TBC1D5: variants seen among roughly 807,000 people sequenced by gnomAD.
TBC1D5 encodes the protein TBC1 domain family, member 5.
TBC1D5 carries 75 observed loss-of-function variants against 100.3 expected under a neutral mutation model. That is an observed-to-expected ratio of 0.75 (90% CI 0.62 to 0.91). TBC1D5 has a LOEUF of 0.91. Among genes scored for constraint, TBC1D5 ranks in the 40% least tolerant of loss-of-function variants. TBC1D5 has a pLI of 0.00. For missense variants in TBC1D5, 910 were observed against 942.4 expected, an observed-to-expected ratio of 0.97 and a Z score of 0.45; for synonymous variants, 323 against 325.6, an observed-to-expected ratio of 0.99 and a Z score of 0.09.
At chr3:17,281,889 GTTT>G (rs1027058855) in intron 15 of TBC1D5, among the ~76,000 whole-genome samples, 1 of 152,000 alleles carries the variant, frequency 6.6e-6, no homozygotes, top group African/African-American at 2.4e-5. Context: ...AAAAGTGATG[GTTT>G]TTTTGTTCTG....
At chr3:17,290,029 T>C (rs1208824820) in intron 15 of TBC1D5, among the ~76,000 whole-genome samples, 2 of 152,216 alleles carry the variant, frequency 1.3e-5, no homozygotes, top group East Asian at 1.9e-4. Context: ...ATAGATATCA[T>C]CATTCCATGA....
At chr3:17,375,133 T>G (rs558472172) in intron 10 of TBC1D5, among the ~76,000 whole-genome samples, 1 of 152,206 alleles carries the variant, frequency 6.6e-6, no homozygotes, top group Non-Finnish European at 1.5e-5. Flanking sequence ...TTATTTTACT[T>G]TTTAACAGAT....
At chr3:17,565,061 T>C (rs551898770) in intron 2 of TBC1D5, among the ~76,000 whole-genome samples, 25 of 152,200 alleles carry the variant, frequency 1.6e-4, no homozygotes, top group Non-Finnish European at 3.5e-4. Flanking sequence ...ATGTAGTTGT[T>C]ATTGTCCCAG....
chr3:17,470,895 C>T (rs1046545452), intron 3 of TBC1D5, among the ~76,000 whole-genome samples: 3 of 151,824 alleles, frequency 2.0e-5, no homozygotes, highest in Non-Finnish European at 4.4e-5. Context: ...TACTCCAGCC[C>T]GGACGACAGA....
chr3:17,328,639 T>C (rs1207673300), intron 13 of TBC1D5, among the ~76,000 whole-genome samples: 1 of 152,218 alleles, frequency 6.6e-6, no homozygotes, highest in Non-Finnish European at 1.5e-5. Context: ...TAGCTTCTAT[T>C]ATTTTTAATG....
chr3:17,695,741 A>G (rs770985925), intron 1 of TBC1D5, among the ~76,000 whole-genome samples: 5 of 152,222 alleles, frequency 3.3e-5, no homozygotes, highest in Non-Finnish European at 7.3e-5. Flanking sequence ...CTCTGCACCA[A>G]GCTGACCTAA....
At chr3:17,330,714 C>T (rs1157710354) in intron 13 of TBC1D5, among the ~76,000 whole-genome samples, 1 of 152,062 alleles carries the variant, frequency 6.6e-6, no homozygotes, top group Admixed American at 6.6e-5. Context: ...AGATATATTC[C>T]CTGTGATTTT....
intron 15 of TBC1D5, among the ~76,000 whole-genome samples, chr3:17,274,304 A>T (rs912719173): frequency 2.0e-5 from 3 of 152,132 alleles, no homozygotes; most frequent in African/African-American, 7.2e-5. Context: ...ATATGCTGAA[A>T]TTTTTTAGTT....
chr3:17,260,946 T>C (rs757683338), intron 15 of TBC1D5, among the ~76,000 whole-genome samples: 53 of 152,366 alleles, frequency 3.5e-4, no homozygotes, highest in Non-Finnish European at 6.9e-4. Flanking sequence ...GTGTATTTTA[T>C]ACTTATGGCA....
At chr3:17,562,366 C>G (rs2096564634) in intron 2 of TBC1D5, among the ~76,000 whole-genome samples, 1 of 151,622 alleles carries the variant, frequency 6.6e-6, no homozygotes, top group African/African-American at 2.4e-5. Flanking sequence ...TTTTACCCAA[C>G]CCAATAGGTC....
rs56219499 is a variant in TBC1D5 at position 17,724,822 on chromosome 3, T to C, written c.-101+14521A>G. On this transcript the variant is annotated intron_variant, in intron 1 of 21. Transcript: ENST00000253692. ...AAATATATATCTTACCCTCTTTCTT[T>C]TTGCCCATTTCCTTCTCTGTGATAC... Among the ~76,000 whole-genome samples the C allele has an allele frequency of 4.6e-3, 703 of 152,284 alleles. 3 individuals are homozygous for C. Among genetic ancestry groups the C allele is most frequent in the South Asian group, 0.019 (92 of 4,828 alleles).
intron 2 of TBC1D5, among the ~76,000 whole-genome samples, chr3:17,612,539 A>C (rs1034426431): frequency 2.0e-5 from 3 of 152,088 alleles, no homozygotes; most frequent in Non-Finnish European, 4.4e-5. Context: ...CTGAGGCAGG[A>C]GAATACCTTG....
At chr3:17,429,961 A>G (rs565336015) in intron 3 of TBC1D5, among the ~76,000 whole-genome samples, 32 of 123,586 alleles carry the variant, frequency 2.6e-4, no homozygotes, top group African/African-American at 9.1e-4. Context: ...GGATTACAAC[A>G]CTTAAAAATG....
At chr3:17,720,829 CT>C (rs1257100130) in intron 1 of TBC1D5, among the ~76,000 whole-genome samples, 4 of 151,472 alleles carry the variant, frequency 2.6e-5, no homozygotes, top group African/African-American at 9.7e-5. Flanking sequence ...TTTGACTTTA[CT>C]TTTTTTCTTT....
At position 17,329,496 on chromosome 3, in the gene TBC1D5, C is replaced by G. The variant is rs544911870; in HGVS notation, c.996-21362G>C. Among the ~76,000 whole-genome samples, 3 of 150,638 alleles carry G rather than the reference C, an allele frequency of 2.0e-5. No individual in the cohort carries two copies. The East Asian group carries it at 5.8e-4, about 29-fold the overall frequency. Reference sequence around the variant, plus strand: ...TCATCAGTAACTATTGGTGGAAACACAAAAAAATAAAATAATACCCTTGAT... The same window carrying G: ...TCATCAGTAACTATTGGTGGAAACAGAAAAAAATAAAATAATACCCTTGAT... On this transcript the variant is annotated intron_variant, in intron 13 of 21. Transcript: ENST00000253692.
At chr3:17,314,470 G>A (rs1397713310) in intron 13 of TBC1D5, among the ~76,000 whole-genome samples, 3 of 152,048 alleles carry the variant, frequency 2.0e-5, no homozygotes, top group East Asian at 3.9e-4. Flanking sequence ...TAACCTCTCA[G>A]GAACCTTCCC....
chr3:17,282,953 C>A (rs1253783311), intron 15 of TBC1D5, among the ~76,000 whole-genome samples: 1 of 152,236 alleles, frequency 6.6e-6, no homozygotes, highest in Non-Finnish European at 1.5e-5. Context: ...TATAGTCATT[C>A]TTTGGGTCTC....
At chr3:17,701,859 T>C (rs903343514) in intron 1 of TBC1D5, among the ~76,000 whole-genome samples, 10 of 151,762 alleles carry the variant, frequency 6.6e-5, no homozygotes, top group Admixed American at 4.6e-4. Context: ...TCTTTTTTTT[T>C]TTTCCTAACT....
intron 13 of TBC1D5, among the ~76,000 whole-genome samples, chr3:17,346,020 G>A (rs1478914181): frequency 2.0e-5 from 3 of 152,000 alleles, no homozygotes; most frequent in Admixed American, 1.3e-4. Context: ...GTATACATAT[G>A]TAACTAACCT....
Sources: allele counts gnomAD v4.1 joint callset (sites outside exome capture counted in the v4.1 genomes callset), GRCh38; gene constraint gnomAD v4.1.1; transcripts MANE v1.5; gene names NCBI Gene and HGNC (gene_info 2026-07-23, HGNC 2026-07-21).